The following ANK2 variants were observed in gnomAD, a reference collection of about 807,000 sequenced individuals.
ANK2 encodes ankyrin 2.
Under a neutral mutation model 360.5 loss-of-function variants are expected in ANK2, and 83 were observed. That is an observed-to-expected ratio of 0.23 (90% confidence interval 0.19 to 0.28). The LOEUF (loss-of-function observed/expected upper bound fraction) is 0.28, where lower values mean the gene tolerates loss of function less well. Among genes scored for constraint, ANK2 ranks in the 10% least tolerant of loss-of-function variants. The pLI, the probability that ANK2 is intolerant of heterozygous loss-of-function variation, is 1.00. For missense variants in ANK2, 4,201 were observed against 4,795.7 expected (o/e 0.88, Z 3.66); for synonymous variants, 1,740 against 1,759.5 (o/e 0.99, Z 0.28).
the ANK2 span, among the ~76,000 whole-genome samples, chr4:112,792,756 A>T: frequency 6.6e-6 from 1 of 152,244 alleles, no homozygotes; most frequent in Admixed American, 6.5e-5. Flanking sequence ...TTCCCTGCTT[A>T]GTTGAGTTAC....
At chr4:113,186,349 G>A (rs1050169852) in intron 2 of ANK2, among the ~76,000 whole-genome samples, 4 of 152,048 alleles carry the variant, frequency 2.6e-5, no homozygotes, top group Non-Finnish European at 5.9e-5. Context: ...GAAAGGAATA[G>A]CATCAACATC....
chr4:112,783,729 A>ATTCCTG, the ANK2 span, among the ~76,000 whole-genome samples: 1 of 151,662 alleles, frequency 6.6e-6, no homozygotes, highest in Non-Finnish European at 1.5e-5. Flanking sequence ...GGCTCACTGC[A>ATTCCTG]AGCTCTGCCT....
chr4:113,311,547 C>G, intron 24 of ANK2, 148 bp downstream of exon 24: 1 of 1,111,114 alleles, frequency 9.0e-7, no homozygotes, highest in East Asian at 2.6e-5. Context: ...TTTCCATTGT[C>G]TAACAACTTT....
Position 113,274,373 on chromosome 4 carries a change from A to C in ANK2, c.1486-79A>C, listed in dbSNP as rs962848125. The C allele has an allele frequency of 2.1e-5, 31 of 1,462,254 alleles. No individual in the cohort carries two copies. In the African/African-American group the frequency reaches 4.0e-4, roughly 19 times the overall value. 90.6% of individuals were successfully genotyped at this position (1,462,254 alleles called of 1,614,324 possible). ...TTCCTAGAGATTCCAAGAAGACATCATGAAATATGTGAGTGAAACATATCA... is the reference window on the plus strand; with the variant it reads ...TTCCTAGAGATTCCAAGAAGACATCCTGAAATATGTGAGTGAAACATATCA... On this transcript the variant is annotated intron_variant, in intron 14 of 45. Transcript: ENST00000357077.
the ANK2 span, among the ~76,000 whole-genome samples, chr4:112,809,802 T>G: frequency 6.7e-6 from 1 of 148,688 alleles, no homozygotes. Context: ...GCAACTGCAC[T>G]CCAGCCTGGG....
At chr4:112,769,683 G>A in the ANK2 span, among the ~76,000 whole-genome samples, 460 of 152,274 alleles carry the variant, frequency 3.0e-3, 3 homozygotes, top group African/African-American at 0.01. Flanking sequence ...TTCTGAGTTT[G>A]TGAGGGAGTT....
At chr4:112,910,072 C>T (rs1488942936) in intron 2 of ANK2, among the ~76,000 whole-genome samples, 7 of 152,164 alleles carry the variant, frequency 4.6e-5, no homozygotes, top group Admixed American at 4.6e-4. Flanking sequence ...TAAGTTTCTA[C>T]AAACTTATAT....
At chr4:112,831,827 A>C (rs2059812036) in intron 1 of ANK2, among the ~76,000 whole-genome samples, 1 of 152,152 alleles carries the variant, frequency 6.6e-6, no homozygotes, top group South Asian at 2.1e-4. Flanking sequence ...ACTCACTGGG[A>C]GGAATGAACA....
intron 1 of ANK2, among the ~76,000 whole-genome samples, chr4:112,857,497 T>C (rs966250984): frequency 2.0e-5 from 3 of 152,192 alleles, no homozygotes; most frequent in Admixed American, 2.0e-4. Context: ...TACTGGGAAA[T>C]ACTCATCTAG....
chr4:113,255,820 A>G lies in ANK2; in HGVS notation c.1076A>G (p.Asp359Gly). 1 of 1,614,222 alleles carries G rather than the reference A, an allele frequency of 6.2e-7. No individual in the cohort carries two copies. Among genetic ancestry groups the G allele is most frequent in the Non-Finnish European group, 8.5e-7 (1 of 1,180,038 alleles). The change falls in exon 11 of 46, where the codon GAT (aspartate) becomes GGT (glycine). Residue 359 changes from aspartate (D) to glycine (G), a missense_variant. Asp to Gly is a moderately conservative substitution (Grantham distance 94, BLOSUM62 -1). Around this residue, in one of 4 missense-constraint regions of ANK2, gnomAD observed 1,268 missense variants for 1,650.8 expected, o/e 0.77. Transcript: ENST00000357077. ...KHLLQHKAPV[D>G]DVTLDYLTAL... ...CTGTTACAGCACAAGGCACCTGTTG[A>G]TGATGTCACCCTAGACTACCTGACA...
chr4:113,352,850 GT>G (rs997391718), intron 37 of ANK2, among the ~76,000 whole-genome samples, 194 bp from the exon 38 acceptor site: 11 of 145,202 alleles, frequency 7.6e-5, no homozygotes, highest in South Asian at 2.2e-4. Context: ...CTTTTCAGTT[GT>G]TTTTTTTTTC....
intron 25 of ANK2, among the ~76,000 whole-genome samples, chr4:113,318,200 T>C (rs1195019977): frequency 6.6e-6 from 1 of 152,234 alleles, no homozygotes; most frequent in Non-Finnish European, 1.5e-5. Context: ...GAGAAAGGCT[T>C]AAAATTTATT....
chr4:113,167,529 T>G (rs2097789361), intron 1 of ANK2, among the ~76,000 whole-genome samples: 2 of 151,944 alleles, frequency 1.3e-5, no homozygotes, highest in Admixed American at 1.3e-4. Context: ...AAACTCCTGA[T>G]CTCAAGCAAT....
the ANK2 span, among the ~76,000 whole-genome samples, chr4:112,717,508 T>A: frequency 6.6e-6 from 1 of 152,206 alleles, no homozygotes; most frequent in African/African-American, 2.4e-5. Flanking sequence ...AAATGATAGA[T>A]GCATCGTACT....
chr4:113,157,143 G>T (rs1455887701), intron 1 of ANK2, among the ~76,000 whole-genome samples: 3 of 151,894 alleles, frequency 2.0e-5, no homozygotes, highest in Non-Finnish European at 4.4e-5. Flanking sequence ...CTTATTATGG[G>T]TTTCATTTCT....
intron 2 of ANK2, among the ~76,000 whole-genome samples, chr4:112,928,338 T>A (rs1214141234): frequency 6.6e-6 from 1 of 152,086 alleles, no homozygotes; most frequent in African/African-American, 2.4e-5. Context: ...AATAGTATGG[T>A]ACTATAAAAA....
rs1050441855 is a variant in ANK2 at position 112,856,526 on chromosome 4, G to A, written c.-40+38262G>A. Among the ~76,000 whole-genome samples the A allele has an allele frequency of 5.3e-5, 8 of 152,146 alleles. 1 individual carries two copies. The South Asian group carries it at 8.3e-4, about 16-fold the overall frequency. The stretch of plus-strand genomic sequence containing the variant: ...GCAGAACACTTGAGGTCAGGGGTTC[G>A]AGACCAGCCTGGCCAATATGGTGAA... On this transcript the variant is annotated intron_variant, in intron 1 of 30. Coordinates refer to the ANK2 transcript ENST00000503271.
chr4:112,813,529 A>T (rs909588968), upstream of ANK2, among the ~76,000 whole-genome samples: 1 of 134,534 alleles, frequency 7.4e-6, no homozygotes, highest in African/African-American at 3.1e-5. Flanking sequence ...AAATTATATT[A>T]TATTTATTTA....
rs1395105 is a variant in ANK2, at chr4:112,982,013, A to C, written c.21+77499A>C. 8.7e-3 allele frequency among the ~76,000 whole-genome samples: 1,322 copies of C among 152,308 alleles called. 23 individuals carry two copies. Among genetic ancestry groups the C allele is most frequent in the African/African-American group, 0.03 (1,264 of 41,560 alleles). ...CAGTGAAACTTTGATTTTGACACAG[A>C]GAACAGCAGTGACCCTTCCCTTAAT... On this transcript the variant is annotated intron_variant, in intron 2 of 30. Transcript: ENST00000503271.
Sources: allele counts gnomAD v4.1 joint callset (sites outside exome capture counted in the v4.1 genomes callset), GRCh38; gene constraint gnomAD v4.1.1; regional missense constraint gnomAD v4.1.1; transcripts MANE v1.5; gene names NCBI Gene and HGNC (gene_info 2026-07-23, HGNC 2026-07-21).